The following ARHGAP12 variants were observed in gnomAD, a reference collection of about 807,000 sequenced individuals.
ARHGAP12 encodes Rho GTPase activating protein 12.
Under a neutral mutation model 108.6 loss-of-function variants are expected in ARHGAP12, and 64 were observed. The observed-to-expected ratio is 0.59, with a 90% CI of 0.48 to 0.73. The LOEUF (loss-of-function observed/expected upper bound fraction) is 0.73, where lower values mean the gene tolerates loss of function less well. Ranked by LOEUF, ARHGAP12 falls within the 30% of genes least tolerant of loss-of-function variation. The pLI, the probability that ARHGAP12 is intolerant of heterozygous loss-of-function variation, is 0.00. For missense variants in ARHGAP12, 940 were observed against 1,005.9 expected (o/e 0.93, Z 0.89); for synonymous variants, 312 against 337.2 (o/e 0.93, Z 0.82).
chr10:31,889,731 A>G (rs1404805904), intron 3 of ARHGAP12, among the ~76,000 whole-genome samples: 1 of 147,080 alleles, frequency 6.8e-6, no homozygotes, highest in African/African-American at 2.5e-5. Context: ...GGTTCAAGCA[A>G]TTCTCCCACC....
In ARHGAP12 at chr10:31,809,320, A is replaced by G; in HGVS notation, c.2051-13T>C. ...TCAATATCCAAACCTAAGAGACAAT[A>G]ATAATTTGTGTGTGTGTGTGTTTAA... is the stretch of plus-strand genomic sequence containing the variant. On this transcript the variant is annotated splice_polypyrimidine_tract_variant and intron_variant, in intron 16 of 19. Transcript: ENST00000344936. 1 of 1,611,666 alleles carries G rather than the reference A, an allele frequency of 6.2e-7. No individual in the cohort carries two copies. Among genetic ancestry groups the G allele is most frequent in the Non-Finnish European group, 8.5e-7 (1 of 1,177,850 alleles).
Position 31,859,888 on chromosome 10 carries a change from G to A in ARHGAP12, c.948+1507C>T, listed in dbSNP as rs917641345. On this transcript the variant is annotated intron_variant, in intron 4 of 19. Coordinates refer to ENST00000344936, the MANE Select transcript of ARHGAP12 (RefSeq NM_018287.7). The stretch of plus-strand genomic sequence containing the variant: ...CGGCTCACTGCAGTCTCCACCTCCC[G>A]GGTTCAAGCGATTCTCCTGCCTCTG... Among the ~76,000 whole-genome samples the A allele has an allele frequency of 6.0e-5, 9 of 151,080 alleles. No individual in the cohort carries two copies. In the East Asian group the frequency reaches 1.4e-3, roughly 23 times the overall value.
At chr10:31,849,036 C>T (rs1007510275) in intron 6 of ARHGAP12, among the ~76,000 whole-genome samples, 1 of 150,530 alleles carries the variant, frequency 6.6e-6, no homozygotes, top group Non-Finnish European at 1.5e-5. Context: ...CCAGCCTGGG[C>T]GACAGAGCGA....
rs1362320760 is a variant in ARHGAP12, at chr10:31,908,340, A to G, written c.516T>C (p.Asn172=). Residue 172 remains asparagine (N), a synonymous_variant, in exon 3 of 20, where the codon AAT becomes AAC. Coordinates refer to ENST00000344936, the MANE Select transcript of ARHGAP12 (RefSeq NM_018287.7). ...GAAAATGACCAAATGAGCGTGTCCTATTCTGGCTGGAAACTTTAGGAGAAT... is the reference window on the plus strand; with the variant it reads ...GAAAATGACCAAATGAGCGTGTCCTGTTCTGGCTGGAAACTTTAGGAGAAT... ...DSHSPKVSSQ[N]RTRSFGHFPG... 6.2e-7 allele frequency: 1 copy of G among 1,614,144 alleles called. No individual in the cohort carries two copies. The highest frequency in any genetic ancestry group is 2.2e-5 in the East Asian group (1 of 44,882).
At chr10:31,819,203 G>A (rs1371308597) in intron 12 of ARHGAP12, among the ~76,000 whole-genome samples, 1 of 152,032 alleles carries the variant, frequency 6.6e-6, no homozygotes. Flanking sequence ...CATGAGTCTT[G>A]GAAGAAAGGG....
chr10:31,834,271 G>A (rs12242487), intron 9 of ARHGAP12, among the ~76,000 whole-genome samples: 7,789 of 152,184 alleles, frequency 0.051, 667 homozygotes, highest in African/African-American at 0.18. Flanking sequence ...AAATTTGTAC[G>A]TTGAAATCTA....
intron 6 of ARHGAP12, among the ~76,000 whole-genome samples, chr10:31,846,641 A>AG (rs370919950): frequency 1.3e-5 from 2 of 152,162 alleles, no homozygotes; most frequent in African/African-American, 4.8e-5. Flanking sequence ...AGACTTTATC[A>AG]GGGGGAGGGA....
intron 2 of ARHGAP12, among the ~76,000 whole-genome samples, chr10:31,910,222 AC>A (rs1475729844): frequency 6.6e-6 from 1 of 152,168 alleles, no homozygotes; most frequent in African/African-American, 2.4e-5. Flanking sequence ...AATACATTCA[AC>A]CCAATGCTCA....
At chr10:31,874,896 C>T (rs1837667904) in intron 3 of ARHGAP12, among the ~76,000 whole-genome samples, 1 of 140,580 alleles carries the variant, frequency 7.1e-6, no homozygotes. Flanking sequence ...ATCTCTTGAA[C>T]CCGGGAGGCA....
At position 31,854,075 on chromosome 10, in the gene ARHGAP12, A is replaced by G; in HGVS notation, c.1080T>C (p.Thr360=). ...GAAAAAAAGAATGTACCTTTTCATT[A>G]GTATAGTCACTGGTATATAAGGTAT... ...RGHTLYTSDY[T]NEKWLKHVDD... The change falls in exon 5 of 20, where the codon ACT becomes ACC. Residue 360 remains threonine (T), a synonymous_variant. Coordinates refer to ENST00000344936, the MANE Select transcript of ARHGAP12 (RefSeq NM_018287.7). 3.1e-6 allele frequency: 5 copies of G among 1,606,662 alleles called. No homozygotes were observed. Among genetic ancestry groups the G allele is most frequent in the Non-Finnish European group, 4.2e-6 (5 of 1,177,890 alleles).
At chr10:31,891,971 T>C (rs1838460322) in intron 3 of ARHGAP12, among the ~76,000 whole-genome samples, 1 of 152,218 alleles carries the variant, frequency 6.6e-6, no homozygotes, top group African/African-American at 2.4e-5. Context: ...TTATTCTAGT[T>C]AGCCATTCGT....
chr10:31,805,499 C>G lies in ARHGAP12; in HGVS notation c.*2159G>C, dbSNP rs1834790168. The G allele has an allele frequency of 6.6e-6, 1 of 151,934 alleles. No homozygotes were observed. Among genetic ancestry groups the G allele is most frequent in the Admixed American group, 6.6e-5 (1 of 15,258 alleles). 9.4% of individuals were successfully genotyped at this position (151,934 alleles called of 1,614,324 possible). On this transcript the variant is annotated 3_prime_UTR_variant, in exon 20 of 20. Transcript: ENST00000344936. ...ATTTTCTACTATAAAACCAAGCTGT[C>G]AAGACAGGAAAATATTACTAGCTTT...
chr10:31,850,297 A>C (rs1401331888), intron 6 of ARHGAP12, among the ~76,000 whole-genome samples: 1 of 152,112 alleles, frequency 6.6e-6, no homozygotes, highest in African/African-American at 2.4e-5. Flanking sequence ...CATTGAGCAG[A>C]TTTTTCTTCT....
intron 1 of ARHGAP12, among the ~76,000 whole-genome samples, chr10:31,912,372 G>A (rs1334707736): frequency 6.6e-6 from 1 of 152,156 alleles, no homozygotes; most frequent in Non-Finnish European, 1.5e-5. Flanking sequence ...CAAGTGAGCT[G>A]TACGGTTTCA....
chr10:31,841,212 A>T (rs1021978494), intron 7 of ARHGAP12, among the ~76,000 whole-genome samples: 6 of 152,112 alleles, frequency 3.9e-5, no homozygotes, highest in African/African-American at 1.4e-4. Flanking sequence ...CACCTTATAC[A>T]TCTATGAATA....
intron 4 of ARHGAP12, among the ~76,000 whole-genome samples, chr10:31,861,136 G>C (rs551864498): frequency 1.3e-5 from 2 of 152,306 alleles, no homozygotes; most frequent in African/African-American, 4.8e-5. Context: ...AAGACATAAG[G>C]GGGTGCACTG....
chr10:31,861,469 T>A lies in ARHGAP12; in HGVS notation c.874A>T (p.Thr292Ser). Residue 292 changes from threonine to serine, a missense_variant, in exon 4 of 20, where the codon ACT becomes TCT. Thr to Ser is a moderately conservative substitution (Grantham distance 58). Coordinates refer to ENST00000344936, the MANE Select transcript of ARHGAP12 (RefSeq NM_018287.7). ...YYYNRGTQER[T>S]WKPPRWTRDA... ...CGAGTCCAACGAGGAGGTTTCCAAG[T>A]TCTTTCCTGTGTCCCTCTGTTATAG... is the stretch of plus-strand genomic sequence containing the variant. 8 of 1,614,202 alleles carry A rather than the reference T, an allele frequency of 5.0e-6. No individual in the cohort carries two copies. Among genetic ancestry groups the A allele is most frequent in the Non-Finnish European group, 6.8e-6 (8 of 1,180,030 alleles).
chr10:31,874,427 G>T (rs1837649965), intron 3 of ARHGAP12, among the ~76,000 whole-genome samples: 1 of 152,198 alleles, frequency 6.6e-6, no homozygotes, highest in African/African-American at 2.4e-5. Flanking sequence ...AAGTATGCAT[G>T]AGAAAGTCAT....
chr10:31,814,445 G>T, intron 13 of ARHGAP12, 84 bp from the exon 14 acceptor site: 1 of 1,106,360 alleles, frequency 9.0e-7, no homozygotes, highest in South Asian at 1.3e-5. Flanking sequence ...AATGACTATT[G>T]TAAATGACTC....
Sources: gnomAD v4.1 joint callset for allele counts (sites outside exome capture counted in the v4.1 genomes callset) on GRCh38, gnomAD v4.1.1 for gene constraint, MANE v1.5 for transcripts, NCBI Gene and HGNC (gene_info 2026-07-23, HGNC 2026-07-21) for gene names.